Variants in POFUT3 observed in about 807,000 individuals in gnomAD.
POFUT3 encodes the protein protein O-fucosyltransferase 3.
chr8:33,412,433 G>A, the POFUT3 span, among the ~76,000 whole-genome samples: 6 of 152,156 alleles, frequency 3.9e-5, no homozygotes, highest in African/African-American at 9.7e-5. Flanking sequence ...AAATGACTGG[G>A]CTCCTTCACC....
the POFUT3 span, among the ~76,000 whole-genome samples, chr8:33,467,901 A>AG: frequency 6.6e-6 from 1 of 152,246 alleles, no homozygotes; most frequent in South Asian, 2.1e-4. Flanking sequence ...TCTGACTGTA[A>AG]AATGAGAAAC....
chr8:33,359,858 T>C, the POFUT3 span, among the ~76,000 whole-genome samples: 1 of 150,646 alleles, frequency 6.6e-6, no homozygotes. Context: ...ATACAAAAAT[T>C]AGCCAGGCTT....
the POFUT3 span, among the ~76,000 whole-genome samples, chr8:33,381,731 T>C: frequency 6.6e-6 from 1 of 152,220 alleles, no homozygotes; most frequent in South Asian, 2.1e-4. Flanking sequence ...ATTCTGATAC[T>C]GTGGCGGTAG....
the POFUT3 span, among the ~76,000 whole-genome samples, chr8:33,446,116 T>C: frequency 9.2e-5 from 14 of 151,984 alleles, no homozygotes; most frequent in East Asian, 1.9e-4. Context: ...AGAAAGACCA[T>C]GGCAGCCTTC....
chr8:33,346,531 T>C, the POFUT3 span, among the ~76,000 whole-genome samples: 41 of 152,226 alleles, frequency 2.7e-4, no homozygotes, highest in African/African-American at 8.2e-4. Context: ...CAGAGCTTAT[T>C]GCAGAATTAT....
At chr8:33,400,130 TAAA>T in the POFUT3 span, among the ~76,000 whole-genome samples, 2 of 114,908 alleles carry the variant, frequency 1.7e-5, no homozygotes, top group Non-Finnish European at 1.8e-5. Flanking sequence ...TTAAGTTCAT[TAAA>T]AAAAAAAAAA....
the POFUT3 span, among the ~76,000 whole-genome samples, chr8:33,455,561 T>C: frequency 6.6e-6 from 1 of 152,224 alleles, no homozygotes; most frequent in Non-Finnish European, 1.5e-5. Context: ...ATAATTGATA[T>C]GGCACTAATT....
chr8:33,451,563 T>C, the POFUT3 span, among the ~76,000 whole-genome samples: 1 of 152,000 alleles, frequency 6.6e-6, no homozygotes, highest in Non-Finnish European at 1.5e-5. Flanking sequence ...TGTATGTATG[T>C]GTATATATGT....
At chr8:33,467,905 G>A in the POFUT3 span, among the ~76,000 whole-genome samples, 1 of 152,160 alleles carries the variant, frequency 6.6e-6, no homozygotes, top group Admixed American at 6.6e-5. Flanking sequence ...ACTGTAAAAT[G>A]AGAAACCAAC....
At chr8:33,389,354 T>C in the POFUT3 span, 2 of 1,614,212 alleles carry the variant, frequency 1.2e-6, no homozygotes, top group Non-Finnish European at 1.7e-6. Flanking sequence ...GATAAACTTA[T>C]ACTGTGCAAT....
chr8:33,377,188 C>T, the POFUT3 span, among the ~76,000 whole-genome samples: 1 of 150,780 alleles, frequency 6.6e-6, no homozygotes, highest in Non-Finnish European at 1.5e-5. Context: ...GCTGAGATCG[C>T]ACCATTGCAC....
the POFUT3 span, among the ~76,000 whole-genome samples, chr8:33,410,919 G>A: frequency 1.3e-5 from 2 of 152,096 alleles, no homozygotes; most frequent in African/African-American, 4.8e-5. Context: ...GACCCTCCAG[G>A]CAGGCTGCCT....
chr8:33,372,463 A>T, the POFUT3 span: 1 of 1,454,484 alleles, frequency 6.9e-7, no homozygotes, highest in African/African-American at 1.4e-5. Context: ...GCAGCAACTA[A>T]TTATTATCCT....
the POFUT3 span, among the ~76,000 whole-genome samples, chr8:33,440,637 C>T: frequency 5.3e-5 from 8 of 152,088 alleles, no homozygotes; most frequent in South Asian, 1.2e-3. Flanking sequence ...AATGGAGTCA[C>T]GTGAACCACT....
the POFUT3 span, among the ~76,000 whole-genome samples, chr8:33,375,746 G>A: frequency 2.6e-5 from 4 of 152,240 alleles, no homozygotes; most frequent in East Asian, 7.7e-4. Flanking sequence ...GCCAGGTGTG[G>A]TGGCTCATTC....
the POFUT3 span, among the ~76,000 whole-genome samples, chr8:33,427,264 G>C: frequency 1.3e-5 from 2 of 152,036 alleles, no homozygotes; most frequent in Admixed American, 1.3e-4. Context: ...CAACATAGGA[G>C]ACCTTGTCTC....
chr8:33,426,828 T>G, the POFUT3 span, among the ~76,000 whole-genome samples: 1 of 152,296 alleles, frequency 6.6e-6, no homozygotes, highest in Admixed American at 6.5e-5. Flanking sequence ...CTGGCATCCT[T>G]GTGATCTGGC....
At chr8:33,426,618 C>T in the POFUT3 span, among the ~76,000 whole-genome samples, 3 of 152,172 alleles carry the variant, frequency 2.0e-5, no homozygotes, top group African/African-American at 4.8e-5. Flanking sequence ...AGATTCAATC[C>T]GATCTAAGGC....
At chr8:33,312,129 G>A in the POFUT3 span, among the ~76,000 whole-genome samples, 1 of 152,030 alleles carries the variant, frequency 6.6e-6, no homozygotes, top group African/African-American at 2.4e-5. Flanking sequence ...AGGCGTGGTG[G>A]CACATACCTG....
Sources: allele counts gnomAD v4.1 joint callset (sites outside exome capture counted in the v4.1 genomes callset), GRCh38; gene constraint gnomAD v4.1.1; transcripts MANE v1.5; gene names NCBI Gene and HGNC (gene_info 2026-07-23, HGNC 2026-07-21).